NLGN1: variants seen among roughly 807,000 people sequenced by gnomAD.
NLGN1 encodes neuroligin 1.
A neutral mutation model predicts 65.5 loss-of-function variants in NLGN1; 12 were observed. That is an observed-to-expected ratio of 0.18 (90% confidence interval 0.12 to 0.30). The LOEUF is 0.30. NLGN1 is among the 10% of genes least tolerant of loss of function. The pLI, the probability that NLGN1 is intolerant of heterozygous loss-of-function variation, is 1.00. For synonymous variants in NLGN1, 350 were observed against 359.5 expected, an observed-to-expected ratio of 0.97 and a Z score of 0.30; for missense variants, 750 against 1,007.1, an observed-to-expected ratio of 0.74 and a Z score of 3.46.
At chr3:173,642,626 A>T (rs764889373) in intron 3 of NLGN1, among the ~76,000 whole-genome samples, 2 of 152,166 alleles carry the variant, frequency 1.3e-5, no homozygotes, top group African/African-American at 2.4e-5. Flanking sequence ...GTGGAAAGTA[A>T]TTAACCCTAG....
chr3:174,034,218 A>G (rs1730641023), intron 4 of NLGN1, among the ~76,000 whole-genome samples: 1 of 152,116 alleles, frequency 6.6e-6, no homozygotes, highest in Admixed American at 6.6e-5. Context: ...ACCTAGCAAA[A>G]TTATTCTTCA....
At chr3:173,651,077 T>G (rs1318569743) in intron 3 of NLGN1, among the ~76,000 whole-genome samples, 1 of 151,998 alleles carries the variant, frequency 6.6e-6, no homozygotes, top group Non-Finnish European at 1.5e-5. Context: ...ATCCCTCACC[T>G]GTCTCCCACC....
intron 3 of NLGN1, among the ~76,000 whole-genome samples, chr3:173,790,206 GTA>G (rs978234044): frequency 5.3e-5 from 8 of 152,168 alleles, no homozygotes; most frequent in African/African-American, 1.7e-4. Context: ...GTGTGTGTGT[GTA>G]TGTATGTATC....
At chr3:173,945,673 A>G (rs1033052912) in intron 4 of NLGN1, among the ~76,000 whole-genome samples, 2 of 152,180 alleles carry the variant, frequency 1.3e-5, no homozygotes, top group Non-Finnish European at 1.5e-5. Context: ...AAATATTAAC[A>G]TTATATGTTC....
chr3:174,052,492 T>G (rs375929393), intron 4 of NLGN1, among the ~76,000 whole-genome samples: 2 of 152,014 alleles, frequency 1.3e-5, no homozygotes, highest in East Asian at 1.9e-4. Flanking sequence ...CATTCTGACC[T>G]ATTCAATTTT....
At chr3:173,954,269 C>T (rs1442660991) in intron 4 of NLGN1, among the ~76,000 whole-genome samples, 1 of 152,094 alleles carries the variant, frequency 6.6e-6, no homozygotes, top group African/African-American at 2.4e-5. Context: ...TCTATGCATT[C>T]TATAGCAAAA....
rs183627848 is a variant in NLGN1 at position 173,510,035 on chromosome 3, C to T, written c.-321+74957C>T. ...ACAGGAATAGATTTGATAGGAATCA[C>T]ATTTGGCTGTAACAAGAATCTACAT... is the stretch of plus-strand genomic sequence containing the variant. On this transcript the variant is annotated intron_variant, in intron 2 of 6. Transcript: ENST00000457714. 2.0e-4 allele frequency among the ~76,000 whole-genome samples: 31 copies of T among 152,286 alleles called. No individual in the cohort carries two copies. In the East Asian group the frequency reaches 5.8e-3, roughly 28 times the overall value.
chr3:173,867,938 A>G (rs1730500387), intron 4 of NLGN1, among the ~76,000 whole-genome samples: 2 of 152,202 alleles, frequency 1.3e-5, no homozygotes, highest in African/African-American at 4.8e-5. Flanking sequence ...GCCCCATAGG[A>G]GAATGTTCTC....
intron 3 of NLGN1, among the ~76,000 whole-genome samples, chr3:173,624,521 A>G (rs1210118371): frequency 6.6e-6 from 1 of 152,168 alleles, no homozygotes; most frequent in Non-Finnish European, 1.5e-5. Flanking sequence ...ACAATGAATT[A>G]AGGATACATT....
chr3:174,102,936 G>A (rs1232473732), intron 4 of NLGN1, among the ~76,000 whole-genome samples: 1 of 152,154 alleles, frequency 6.6e-6, no homozygotes, highest in East Asian at 1.9e-4. Flanking sequence ...AACTGGTAAT[G>A]AGATTCCGAC....
chr3:173,499,453 T>C (rs1482427688), intron 2 of NLGN1, among the ~76,000 whole-genome samples: 1 of 151,910 alleles, frequency 6.6e-6, no homozygotes. Context: ...TTTTGGTTAC[T>C]GTAGCCTTGT....
At chr3:174,044,004 C>G (rs1163765274) in intron 4 of NLGN1, among the ~76,000 whole-genome samples, 1 of 152,190 alleles carries the variant, frequency 6.6e-6, no homozygotes, top group Admixed American at 6.5e-5. Context: ...TTCACTTCTG[C>G]ACACCTGCAA....
intron 4 of NLGN1, among the ~76,000 whole-genome samples, chr3:174,184,003 A>C (rs1730940538): frequency 6.6e-6 from 1 of 152,192 alleles, no homozygotes; most frequent in African/African-American, 2.4e-5. Flanking sequence ...GGAGCAATTA[A>C]AAGATAATCC....
intron 4 of NLGN1, among the ~76,000 whole-genome samples, chr3:174,095,874 C>T (rs769357051): frequency 1.6e-4 from 24 of 151,898 alleles, no homozygotes; most frequent in Admixed American, 5.9e-4. Context: ...GTGGCATGTG[C>T]CTGTAGTCCT....
chr3:174,020,368 T>G (rs1326369058), intron 4 of NLGN1, among the ~76,000 whole-genome samples: 1 of 152,064 alleles, frequency 6.6e-6, no homozygotes, highest in African/African-American at 2.4e-5. Context: ...CTGCCAAAAA[T>G]TGTCCCCAAG....
chr3:173,690,089 G>A (rs577058732), intron 3 of NLGN1, among the ~76,000 whole-genome samples: 5 of 152,252 alleles, frequency 3.3e-5, no homozygotes, highest in African/African-American at 1.2e-4. Context: ...TTTACTTACT[G>A]ACAGTCAAAA....
chr3:173,923,609 T>C (rs1352939762), intron 4 of NLGN1, among the ~76,000 whole-genome samples: 4 of 152,176 alleles, frequency 2.6e-5, no homozygotes, highest in Non-Finnish European at 5.9e-5. Context: ...GTTACCTGAA[T>C]GATGTATGAC....
At chr3:173,781,755 G>C (rs909575103) in intron 3 of NLGN1, among the ~76,000 whole-genome samples, 1 of 152,150 alleles carries the variant, frequency 6.6e-6, no homozygotes, top group East Asian at 1.9e-4. Context: ...GGCATACGAG[G>C]TGGTCAGAAG....
chr3:173,709,803 C>CAAAAAAAAAAAAAAAAAAAAAAAAAAAAA (rs59998502), intron 3 of NLGN1, among the ~76,000 whole-genome samples: 1 of 69,276 alleles, frequency 1.4e-5, no homozygotes, highest in Non-Finnish European at 2.7e-5. Context: ...AACTCTATCT[C>CAAAAAAAAAAAAAAAAAAAAAAAAAAAAA]AAAAAAAAAA....
Sources: allele counts gnomAD v4.1 joint callset (sites outside exome capture counted in the v4.1 genomes callset), GRCh38; gene constraint gnomAD v4.1.1; transcripts MANE v1.5; gene names NCBI Gene and HGNC (gene_info 2026-07-23, HGNC 2026-07-21).